SNRPD2: variants seen among roughly 807,000 people sequenced by gnomAD.
SNRPD2 encodes small nuclear ribonucleoprotein Sm D2.
Under a neutral mutation model 11.5 loss-of-function variants are expected in SNRPD2, and 1 was observed. The ratio of observed to expected loss-of-function variants is 0.09; its 90% CI spans 0.03 to 0.41. The LOEUF is 0.41. Among genes scored for constraint, SNRPD2 ranks in the 10% least tolerant of loss-of-function variants. The pLI, the probability that SNRPD2 is intolerant of heterozygous loss-of-function variation, is 0.98. For missense variants in SNRPD2, 77 were observed against 154.9 expected (o/e 0.50, Z 2.67); for synonymous variants, 63 against 61.5 (o/e 1.02, Z -0.12).
rs1202358741 is a variant in SNRPD2, at chr19:45,687,683, T to C, written c.227A>G (p.Glu76Gly). The C allele has an allele frequency of 1.9e-6, 3 of 1,613,940 alleles. No individual in the cohort carries two copies. ...VLENVKEMWT[E>G]VPKSGKGKKK... ...CTTGCCCTTGCCACTCTTGGGTACC[T>C]CAGTCCACATCTCCTTCACGTTCTC... The change falls in exon 3 of 3, where the codon GAG becomes GGG. Residue 76 changes from glutamate (E) to glycine (G), a missense_variant. Transcript: ENST00000342669. The surrounding 1 kb of genome is among the most constrained non-coding windows in gnomAD (Gnocchi z 4.1).
At chr19:45,691,768 C>T (rs539766968) in intron 1 of SNRPD2, 119 bp downstream of exon 1, 4 of 1,256,608 alleles carry the variant, frequency 3.2e-6, no homozygotes, top group East Asian at 2.3e-5. Context: ...AAGCAGGACG[C>T]TGCATCCCTA....
chr19:45,687,456 C>G, downstream of SNRPD2: 2 of 1,202,268 alleles, frequency 1.7e-6, no homozygotes, highest in South Asian at 1.4e-5. The surrounding 1 kb of genome is among the most constrained non-coding windows in gnomAD (Gnocchi z 4.1). Context: ...GAAACAGATA[C>G]CACTAGAAAA....
At chr19:45,691,536 A>ATTT (rs5828244) in intron 1 of SNRPD2, 151 of 185,932 alleles carry the variant, frequency 8.1e-4, no homozygotes, top group Middle Eastern at 2.2e-3. Flanking sequence ...TCATAATTAA[A>ATTT]TTTTTTTTTT....
At chr19:45,690,989 C>G (rs1967532162) in intron 1 of SNRPD2, among the ~76,000 whole-genome samples, 1 of 152,128 alleles carries the variant, frequency 6.6e-6, no homozygotes, top group African/African-American at 2.4e-5. Context: ...AAAATCATGT[C>G]AATGACTCGT....
At chr19:45,691,682 C>G (rs1967560109) in intron 1 of SNRPD2, 1 of 681,290 alleles carries the variant, frequency 1.5e-6, no homozygotes, top group African/African-American at 1.8e-5. Flanking sequence ...AGGGCGTTAT[C>G]TGATAAAGCT....
intron 1 of SNRPD2, among the ~76,000 whole-genome samples, chr19:45,689,571 C>T (rs368760469): frequency 3.3e-5 from 5 of 152,058 alleles, no homozygotes; most frequent in African/African-American, 1.2e-4. Context: ...ATTAGCCAGG[C>T]GTGGTGGTGC....
At chr19:45,691,796 C>CA in intron 1 of SNRPD2, 91 bp downstream of exon 1, 2 of 1,498,408 alleles carry the variant, frequency 1.3e-6, no homozygotes, top group Non-Finnish European at 1.9e-6. Flanking sequence ...TGCCCCTGCC[C>CA]CCCCCGCTCT....
chr19:45,690,089 T>C (rs1967499005), intron 1 of SNRPD2, among the ~76,000 whole-genome samples: 1 of 150,010 alleles, frequency 6.7e-6, no homozygotes, highest in African/African-American at 2.5e-5. Flanking sequence ...CCCAGCACTT[T>C]GGGAGGCCGA....
rs1385765756 is a variant in SNRPD2 at position 45,688,345 on chromosome 19, C to T, written c.182+42G>A. 6.3e-7 allele frequency: 1 copy of T among 1,590,134 alleles called. No individual in the cohort carries two copies. Among genetic ancestry groups the T allele is most frequent in the Non-Finnish European group, 8.6e-7 (1 of 1,159,488 alleles). The stretch of plus-strand genomic sequence containing the variant: ...CTTCAGACTGGAGCTGGAGTGGCCT[C>T]TCCAGGCCTGCGGAGAACACCTCCC... On this transcript the variant is annotated intron_variant, in intron 2 of 2. Coordinates refer to ENST00000342669, the MANE Select transcript of SNRPD2 (RefSeq NM_001384647.1). The surrounding 1 kb of genome is among the most constrained non-coding windows in gnomAD (Gnocchi z 4.1).
chr19:45,687,522 G>T lies in SNRPD2; in HGVS notation c.*31C>A. The T allele has an allele frequency of 1.2e-6, 2 of 1,601,976 alleles. No individual in the cohort carries two copies. The highest frequency in any genetic ancestry group is 1.7e-6 in the Non-Finnish European group (2 of 1,169,344). On this transcript the variant is annotated 3_prime_UTR_variant, in exon 3 of 3. Coordinates refer to ENST00000342669, the MANE Select transcript of SNRPD2 (RefSeq NM_001384647.1). This position sits in a 1 kb window ranked among gnomAD's most constrained non-coding sequence, Gnocchi z 4.1. ...ATGGCAGCGGTCTTCATAGGACAGA[G>T]GAGTGAGTTCTGTCAACAGACAGGC...
At chr19:45,689,106 C>T (rs905097614) in intron 1 of SNRPD2, 3 of 448,322 alleles carry the variant, frequency 6.7e-6, no homozygotes, top group African/African-American at 2.0e-5. Flanking sequence ...CTATCTACAG[C>T]GTTCCCCATC....
At chr19:45,691,839 A>C (rs112558620) in intron 1 of SNRPD2, 48 bp downstream of exon 1, 1 of 1,611,794 alleles carries the variant, frequency 6.2e-7, no homozygotes, top group South Asian at 1.1e-5. Context: ...TCGGTCAAAT[A>C]TCCACCCTCA....
Position 45,688,410 on chromosome 19 carries a change from C to T in SNRPD2, c.159G>A (p.Leu53=). Residue 53 remains leucine (L), a synonymous_variant, in exon 2 of 3, where the codon CTG becomes CTA. Coordinates refer to ENST00000342669, the MANE Select transcript of SNRPD2 (RefSeq NM_001384647.1). This position sits in a 1 kb window ranked among gnomAD's most constrained non-coding sequence, Gnocchi z 4.1. ...ACCTATCGAAGGCCTTCACGCGGCC[C>T]AGGAGTTTCTTATTGTTGCGGCAGT... ...LINCRNNKKL[L]GRVKAFDRHC... 6.2e-7 allele frequency: 1 copy of T among 1,614,216 alleles called. No individual in the cohort carries two copies. Among genetic ancestry groups the T allele is most frequent in the Non-Finnish European group, 8.5e-7 (1 of 1,180,042 alleles).
At chr19:45,689,940 GGCA>G (rs1442863062) in intron 1 of SNRPD2, among the ~76,000 whole-genome samples, 3 of 152,094 alleles carry the variant, frequency 2.0e-5, no homozygotes, top group Non-Finnish European at 4.4e-5. Context: ...GGGAGGCTGA[GGCA>G]GCAGAAACGC....
chr19:45,691,903 T>G lies in SNRPD2; in HGVS notation c.-15A>C. ...CGGCCTCACATGATGGTCACTACGC[T>G]CTCCGTTCACTCCCGTTTCCTCCGC... is the stretch of plus-strand genomic sequence containing the variant. On this transcript the variant is annotated 5_prime_UTR_variant, in exon 1 of 3. Transcript: ENST00000342669. 6.2e-7 allele frequency: 1 copy of G among 1,613,972 alleles called. No individual in the cohort carries two copies. Among genetic ancestry groups the G allele is most frequent in the Non-Finnish European group, 8.5e-7 (1 of 1,179,968 alleles).
At chr19:45,689,137 C>G in intron 1 of SNRPD2, 1 of 510,234 alleles carries the variant, frequency 2.0e-6, no homozygotes, top group Non-Finnish European at 3.9e-6. Context: ...GTAACTCCAT[C>G]CTTCTAGTTC....
chr19:45,690,770 T>A (rs1407844023), intron 1 of SNRPD2: 2 of 148,630 alleles, frequency 1.3e-5, no homozygotes, highest in African/African-American at 5.0e-5. Flanking sequence ...CGGCGGAGGT[T>A]GCAGTGAGCT....
chr19:45,692,276 GCTTCGGAGACAGGCACCGCCCCT>G, upstream of SNRPD2: 1 of 370,072 alleles, frequency 2.7e-6, no homozygotes, highest in Non-Finnish European at 5.1e-6. Context: ...TCCGCTCCTC[GCTTCGGAGACAGGCACCGCCCCT>G]CTTCCCTCTG....
Position 45,691,629 on chromosome 19 carries a change from C to T in SNRPD2, c.2+258G>A, listed in dbSNP as rs1568535186. 4 of 520,090 alleles carry T rather than the reference C, an allele frequency of 7.7e-6. No individual in the cohort carries two copies. The East Asian group carries it at 1.3e-4, about 17-fold the overall frequency. 32.2% of individuals were successfully genotyped at this position (520,090 alleles called of 1,614,324 possible). ...TCCAGCGATGCTCCGCCTTGGCCTA[C>T]TAAAGTGCTGGGATCACAGGAATGA... On this transcript the variant is annotated intron_variant, in intron 1 of 2. Transcript: ENST00000342669.
Sources: gnomAD v4.1 joint callset for allele counts (sites outside exome capture counted in the v4.1 genomes callset) on GRCh38, gnomAD v4.1.1 for gene constraint, Gnocchi (gnomAD v3.1) non-coding constraint, MANE v1.5 for transcripts, NCBI Gene and HGNC (gene_info 2026-07-23, HGNC 2026-07-21) for gene names.